Variants in OPCML observed in about 807,000 individuals in gnomAD.
OPCML encodes the protein opioid binding protein/cell adhesion molecule like.
OPCML carries 13 observed loss-of-function variants against 37.8 expected under a neutral mutation model. That is an observed-to-expected ratio of 0.34 (90% CI 0.22 to 0.55). OPCML has a LOEUF of 0.55. Among genes scored for constraint, OPCML ranks in the 20% least tolerant of loss-of-function variants. The probability of loss-of-function intolerance (pLI) is 0.91; values close to 1 mark genes in which losing one functional copy is unlikely to be tolerated. For missense variants in OPCML, 341 were observed against 435.6 expected, an observed-to-expected ratio of 0.78 and a Z score of 1.93; for synonymous variants, 176 against 168.8, an observed-to-expected ratio of 1.04 and a Z score of -0.33.
At chr11:133,399,878 A>T (rs1024146657) in intron 1 of OPCML, among the ~76,000 whole-genome samples, 11 of 149,140 alleles carry the variant, frequency 7.4e-5, no homozygotes, top group African/African-American at 9.8e-5. Flanking sequence ...TATATATATA[A>T]AATATATATG....
chr11:133,168,089 A>G (rs1408197794), intron 1 of OPCML, among the ~76,000 whole-genome samples: 2 of 152,164 alleles, frequency 1.3e-5, no homozygotes, highest in African/African-American at 2.4e-5. Flanking sequence ...CAGTGATCCA[A>G]TGATGTCCCA....
At chr11:133,439,058 G>A (rs1320336039) in intron 1 of OPCML, among the ~76,000 whole-genome samples, 1 of 152,148 alleles carries the variant, frequency 6.6e-6, no homozygotes, top group Non-Finnish European at 1.5e-5. Flanking sequence ...GAAATTTCCT[G>A]AGGTCTGTGG....
intron 2 of OPCML, among the ~76,000 whole-genome samples, chr11:132,809,192 G>A (rs1225734522): frequency 6.6e-6 from 1 of 152,124 alleles, no homozygotes. Context: ...TAAACCATTC[G>A]CTGACGCTAA....
chr11:132,652,542 G>A (rs1211915060), intron 3 of OPCML, among the ~76,000 whole-genome samples: 1 of 152,162 alleles, frequency 6.6e-6, no homozygotes, highest in African/African-American at 2.4e-5. Context: ...ACTCACTGGG[G>A]ACTCAGCCAG....
intron 1 of OPCML, among the ~76,000 whole-genome samples, chr11:133,029,697 C>CAA (rs956627422): frequency 2.0e-5 from 3 of 152,002 alleles, no homozygotes; most frequent in African/African-American, 7.3e-5. Flanking sequence ...AAAACGGGAA[C>CAA]AATAGACTCT....
At chr11:132,548,091 A>T (rs2096372915) in intron 3 of OPCML, among the ~76,000 whole-genome samples, 1 of 152,096 alleles carries the variant, frequency 6.6e-6, no homozygotes, top group South Asian at 2.1e-4. Context: ...TTAAATTATA[A>T]ATGGGCTGTG....
intron 1 of OPCML, among the ~76,000 whole-genome samples, chr11:133,473,297 T>A (rs1055232653): frequency 6.6e-6 from 1 of 152,114 alleles, no homozygotes; most frequent in South Asian, 2.1e-4. Context: ...ATGGCCTCCA[T>A]TGAAAACAAA....
intron 1 of OPCML, among the ~76,000 whole-genome samples, chr11:133,518,854 A>C (rs1414785366): frequency 6.6e-6 from 1 of 152,012 alleles, no homozygotes; most frequent in Non-Finnish European, 1.5e-5. Context: ...GCCACTGTCC[A>C]TGCAGAGATG....
chr11:133,365,602 C>A (rs901266632), intron 1 of OPCML: 1 of 152,160 alleles, frequency 6.6e-6, no homozygotes, highest in African/African-American at 2.4e-5. Context: ...CAGTCCATAC[C>A]TCATGTATGG....
At chr11:133,166,054 C>T (rs1018783517) in intron 1 of OPCML, among the ~76,000 whole-genome samples, 1 of 152,216 alleles carries the variant, frequency 6.6e-6, no homozygotes, top group Admixed American at 6.5e-5. Flanking sequence ...CCCATTCACT[C>T]ACTCACTGGA....
In OPCML at chr11:132,437,210, A is replaced by T; in HGVS notation, c.643+12T>A. On this transcript the variant is annotated intron_variant, in intron 5 of 7. Coordinates refer to ENST00000524381, the MANE Select transcript of OPCML (RefSeq NM_001012393.5). ...CTTTTCCCCAGAACCCCCTGGCTGC[A>T]GGTCCACTCACAGTTTACAGTGATT... 6.2e-7 allele frequency: 1 copy of T among 1,610,304 alleles called. No homozygotes were observed. The highest frequency in any genetic ancestry group is 8.5e-7 in the Non-Finnish European group (1 of 1,176,814).
rs1360381043 is a variant in OPCML, at chr11:132,570,781, A to G, written c.380-41595T>C. Among the ~76,000 whole-genome samples, 3 of 119,320 alleles carry G rather than the reference A, an allele frequency of 2.5e-5. 1 individual carries two copies. The highest frequency in any genetic ancestry group is 9.7e-5 in the African/African-American group (3 of 31,044). 78.3% of individuals were successfully genotyped at this position (119,320 alleles called of 152,430 possible). On this transcript the variant is annotated intron_variant, in intron 3 of 7. Transcript: ENST00000524381. ...TATATATATATATATATATATATAT[A>G]TATATATATATATATATATATTTAG...
At chr11:133,472,773 C>A (rs1419461205) in intron 1 of OPCML, among the ~76,000 whole-genome samples, 3 of 151,954 alleles carry the variant, frequency 2.0e-5, no homozygotes, top group African/African-American at 7.2e-5. Flanking sequence ...AAATGAAAGT[C>A]CAAGATTAGC....
At chr11:133,421,459 A>G (rs1945885281) in intron 1 of OPCML, 2 of 985,304 alleles carry the variant, frequency 2.0e-6, no homozygotes. Flanking sequence ...TCAAAGAAAA[A>G]ACGGAAATTA....
chr11:133,341,633 A>G (rs578166013), intron 1 of OPCML, among the ~76,000 whole-genome samples: 263 of 152,350 alleles, frequency 1.7e-3, no homozygotes, highest in African/African-American at 5.9e-3. Context: ...CTTTTGCAGC[A>G]GTTGGCCTGG....
At chr11:132,588,722 G>A (rs1591592668) in intron 3 of OPCML, among the ~76,000 whole-genome samples, 1 of 152,114 alleles carries the variant, frequency 6.6e-6, no homozygotes, top group African/African-American at 2.4e-5. Context: ...AGAATCCATG[G>A]CCAGTGTCTA....
At chr11:132,806,996 T>C (rs959464330) in intron 2 of OPCML, among the ~76,000 whole-genome samples, 22 of 152,132 alleles carry the variant, frequency 1.4e-4, no homozygotes, top group South Asian at 2.1e-4. Flanking sequence ...TAATGAAATA[T>C]ATCAAAATGT....
intron 1 of OPCML, among the ~76,000 whole-genome samples, chr11:133,342,944 C>T (rs1238595636): frequency 6.6e-6 from 1 of 152,050 alleles, no homozygotes; most frequent in African/African-American, 2.4e-5. Context: ...GCTTTAACAC[C>T]CACACTGCAG....
chr11:132,585,674 A>G (rs1286395763), intron 3 of OPCML, among the ~76,000 whole-genome samples: 1 of 152,214 alleles, frequency 6.6e-6, no homozygotes, highest in Non-Finnish European at 1.5e-5. Flanking sequence ...ATATGGACTA[A>G]AACATGATGT....
Sources: gnomAD v4.1 joint callset for allele counts (sites outside exome capture counted in the v4.1 genomes callset) on GRCh38, gnomAD v4.1.1 for gene constraint, MANE v1.5 for transcripts, NCBI Gene and HGNC (gene_info 2026-07-23, HGNC 2026-07-21) for gene names.